Variants in SUGCT observed in about 807,000 individuals in gnomAD.
The protein encoded by SUGCT is succinyl-CoA:glutarate-CoA transferase, also known as succinyl-CoA:glutarate CoA-transferase.
In SUGCT, 41 loss-of-function variants were observed where a neutral mutation model predicts 55.0. The observed-to-expected ratio is 0.74, with a 90% confidence interval of 0.58 to 0.97. The LOEUF (loss-of-function observed/expected upper bound fraction) is 0.97. Ranked by LOEUF, SUGCT falls within the 50% of genes least tolerant of loss-of-function variation. SUGCT has a pLI of 0.00. For missense variants in SUGCT, 568 were observed against 547.8 expected (o/e 1.04, Z -0.37); for synonymous variants, 187 against 200.4 (o/e 0.93, Z 0.56).
chr7:41,027,839 G>A, the SUGCT span, among the ~76,000 whole-genome samples: 17 of 152,126 alleles, frequency 1.1e-4, no homozygotes, highest in Non-Finnish European at 2.5e-4. Context: ...TTTGATCTAC[G>A]TTAGCTGAGT....
chr7:40,590,825 C>A (rs1044280530), intron 12 of SUGCT, among the ~76,000 whole-genome samples: 1 of 152,136 alleles, frequency 6.6e-6, no homozygotes, highest in Non-Finnish European at 1.5e-5. Context: ...GTACATGGAA[C>A]AACAAAGCCT....
chr7:40,996,249 G>A, the SUGCT span, among the ~76,000 whole-genome samples: 3,209 of 152,252 alleles, frequency 0.021, 109 homozygotes, highest in African/African-American at 0.073. Context: ...AGCTGTCACT[G>A]TGTAGCCTCT....
At position 40,385,293 on chromosome 7, in the gene SUGCT, T is replaced by C. The variant is rs554640926; in HGVS notation, c.817-63994T>C. 7.9e-5 allele frequency among the ~76,000 whole-genome samples: 12 copies of C among 152,294 alleles called. No homozygotes were observed. The South Asian group carries it at 2.3e-3, about 29-fold the overall frequency. On this transcript the variant is annotated intron_variant, in intron 9 of 13. Coordinates refer to ENST00000335693, the MANE Select transcript of SUGCT (RefSeq NM_001193313.2). The stretch of plus-strand genomic sequence containing the variant: ...AGTCAGGGACAGTTCTGGCTGAAAT[T>C]CTATCAGTATGTATTGGCTAGGTGA...
intron 5 of SUGCT, among the ~76,000 whole-genome samples, chr7:40,192,057 G>A (rs1044744323): frequency 7.8e-6 from 1 of 128,530 alleles, no homozygotes; most frequent in Non-Finnish European, 1.5e-5. Flanking sequence ...GCAGTGAGCC[G>A]ATATTGCACC....
At chr7:40,577,144 G>C (rs1274235994) in intron 12 of SUGCT, among the ~76,000 whole-genome samples, 3 of 152,184 alleles carry the variant, frequency 2.0e-5, no homozygotes, top group Non-Finnish European at 4.4e-5. Context: ...CCGATTTTAA[G>C]CTTTCTCAGA....
At chr7:40,600,664 C>T (rs1038380511) in intron 12 of SUGCT, among the ~76,000 whole-genome samples, 7 of 150,764 alleles carry the variant, frequency 4.6e-5, no homozygotes, top group Non-Finnish European at 8.8e-5. Context: ...AACCACTTTT[C>T]TTTTTTTCTT....
At position 40,316,773 on chromosome 7, in the gene SUGCT, C is replaced by G. The variant is rs1427327548; in HGVS notation, c.734C>G (p.Ser245Cys). The change falls in exon 9 of 14, where the codon TCT becomes TGT. Residue 245 changes from serine (S) to cysteine (C), a missense_variant. Physicochemically the swap from Ser to Cys is moderately radical, Grantham distance 112. Transcript: ENST00000335693. ...TTTTCCTGGTAGGTGGCGTGTTTGT[C>G]TCACATAGCTGCAAATTATCTTATT... ...NLLSSQVACL[S>C]HIAANYLIGQ... is the part of the protein sequence containing the mutation. 6.3e-7 allele frequency: 1 copy of G among 1,597,464 alleles called. No homozygotes were observed. Among genetic ancestry groups the G allele is most frequent in the Non-Finnish European group, 8.5e-7 (1 of 1,170,922 alleles).
chr7:40,205,100 A>G (rs1013879008), intron 6 of SUGCT, among the ~76,000 whole-genome samples: 19 of 151,442 alleles, frequency 1.3e-4, no homozygotes, highest in African/African-American at 4.6e-4. Flanking sequence ...CTAAAAATAC[A>G]AAAATTAGCC....
At chr7:40,662,839 C>T (rs1046347484) in intron 12 of SUGCT, among the ~76,000 whole-genome samples, 8 of 152,178 alleles carry the variant, frequency 5.3e-5, no homozygotes, top group Non-Finnish European at 5.9e-5. Flanking sequence ...TATAATCATG[C>T]TCTAATACTT....
At chr7:40,628,896 A>G (rs1004513491) in intron 12 of SUGCT, among the ~76,000 whole-genome samples, 1 of 152,028 alleles carries the variant, frequency 6.6e-6, no homozygotes, top group Non-Finnish European at 1.5e-5. Flanking sequence ...GTGCACCACC[A>G]CACCCAGCTA....
chr7:40,217,258 G>A (rs949462719), intron 6 of SUGCT: 3 of 253,290 alleles, frequency 1.2e-5, no homozygotes. Context: ...CACCCAGGCT[G>A]GAGTGTCATG....
intron 8 of SUGCT, among the ~76,000 whole-genome samples, chr7:40,278,426 T>G (rs542658358): frequency 2.0e-5 from 3 of 152,146 alleles, no homozygotes; most frequent in South Asian, 4.1e-4. Flanking sequence ...CCATTACTGG[T>G]TATATACCCA....
chr7:40,902,343 C>T, the SUGCT span, among the ~76,000 whole-genome samples: 1 of 152,022 alleles, frequency 6.6e-6, no homozygotes, highest in African/African-American at 2.4e-5. Flanking sequence ...CTTTAGGAGG[C>T]TTGAGGCAGG....
chr7:40,214,999 G>A lies in SUGCT; in HGVS notation c.484+19939G>A, dbSNP rs535094876. Among the ~76,000 whole-genome samples the A allele has an allele frequency of 3.9e-5, 6 of 152,216 alleles. No individual in the cohort carries two copies. In the East Asian group the frequency reaches 7.7e-4, roughly 20 times the overall value. Reference sequence around the variant, plus strand: ...GGAGAGAATGCGTATGTCTACATGAGATCAGTCACATAGGCATTCCCTCTA... The same window carrying A: ...GGAGAGAATGCGTATGTCTACATGAAATCAGTCACATAGGCATTCCCTCTA... On this transcript the variant is annotated intron_variant, in intron 6 of 13. Coordinates refer to ENST00000335693, the MANE Select transcript of SUGCT (RefSeq NM_001193313.2).
intron 9 of SUGCT, among the ~76,000 whole-genome samples, chr7:40,441,211 T>C (rs1788497037): frequency 6.6e-6 from 1 of 152,198 alleles, no homozygotes; most frequent in African/African-American, 2.4e-5. Context: ...TAAGTACTGA[T>C]GATTCCTATT....
At chr7:40,954,538 G>A in the SUGCT span, among the ~76,000 whole-genome samples, 9 of 152,292 alleles carry the variant, frequency 5.9e-5, no homozygotes, top group East Asian at 1.5e-3. Context: ...CATCTTCTGC[G>A]TCGCTCACAC....
the SUGCT span, among the ~76,000 whole-genome samples, chr7:40,970,232 C>T: frequency 2.6e-4 from 39 of 151,968 alleles, no homozygotes; most frequent in African/African-American, 7.7e-4. Context: ...AATGCAATGA[C>T]GCGATGTCAA....
intron 6 of SUGCT, chr7:40,217,330 C>T (rs1787722330): frequency 2.8e-6 from 1 of 357,130 alleles, no homozygotes; most frequent in Non-Finnish European, 5.7e-6. Context: ...CCCACCTCAG[C>T]TTCCCAAGTG....
chr7:40,770,684 C>A lies in SUGCT; in HGVS notation c.1153+21187C>A, dbSNP rs530226268. On this transcript the variant is annotated intron_variant, in intron 13 of 13. Transcript: ENST00000335693. ...CATCTTCCCTACTGGAAAACAGATG[C>A]CCTATTTCTATGGAAGAAGAGAAGG... 3.5e-4 allele frequency among the ~76,000 whole-genome samples: 53 copies of A among 152,246 alleles called. 1 individual carries two copies. In the South Asian group the frequency reaches 0.011, roughly 30 times the overall value.
Sources: allele counts gnomAD v4.1 joint callset (sites outside exome capture counted in the v4.1 genomes callset), GRCh38; gene constraint gnomAD v4.1.1; transcripts MANE v1.5; gene names NCBI Gene and HGNC (gene_info 2026-07-23, HGNC 2026-07-21).